The following LPCAT1 variants were observed in gnomAD, a reference collection of about 807,000 sequenced individuals.
LPCAT1 encodes the protein 1-acylglycerol-3-phosphate O-acyltransferase.
In LPCAT1, 23 loss-of-function variants were observed where a neutral mutation model predicts 60.9. That is an observed-to-expected ratio of 0.38 (90% confidence interval 0.27 to 0.53). The LOEUF (loss-of-function observed/expected upper bound fraction) is 0.53. Among genes scored for constraint, LPCAT1 ranks in the 20% least tolerant of loss-of-function variants. LPCAT1 has a pLI of 0.82. For synonymous variants in LPCAT1, 340 were observed against 301.1 expected (o/e 1.13, Z -1.34); for missense variants, 622 against 723.6 (o/e 0.86, Z 1.61).
At chr5:1,507,067 G>A (rs1307878366) in intron 1 of LPCAT1, among the ~76,000 whole-genome samples, 1 of 152,228 alleles carries the variant, frequency 6.6e-6, no homozygotes, top group Non-Finnish European at 1.5e-5. Context: ...GGGAGCGGGA[G>A]CAGCCTCCAG....
chr5:1,465,337 TAACTA>T (rs1198013353), intron 13 of LPCAT1, among the ~76,000 whole-genome samples: 3 of 51,954 alleles, frequency 5.8e-5, no homozygotes, highest in East Asian at 7.9e-4. Flanking sequence ...AGGCACACAG[TAACTA>T]AACACACATG....
intron 2 of LPCAT1, 81 bp downstream of exon 2, chr5:1,501,380 A>G: frequency 6.6e-7 from 1 of 1,505,056 alleles, no homozygotes; most frequent in Admixed American, 2.0e-5. Flanking sequence ...GAGACACACA[A>G]CCCCACTGTG....
intron 1 of LPCAT1, among the ~76,000 whole-genome samples, chr5:1,520,795 A>G (rs4383753): frequency 0.78 from 114,956 of 147,802 alleles, 45,337 homozygotes; most frequent in African/African-American, 0.91. Flanking sequence ...CCCGGGAAGC[A>G]GAGCTTGTAG....
chr5:1,523,764 CG>C lies in LPCAT1; in HGVS notation c.80del (p.Pro27ArgfsTer23), dbSNP rs1736748790. 3.4e-5 allele frequency: 39 copies of C among 1,157,894 alleles called. No homozygotes were observed. Among genetic ancestry groups the C allele is most frequent in the South Asian group, 1.3e-4 (5 of 38,904 alleles). 71.7% of individuals were successfully genotyped at this position (1,157,894 alleles called of 1,614,324 possible). ...GASDARLLAP[P>X]GRNPFVHELR... is the part of the protein sequence containing the mutation. ...GCTCGTGCACGAAGGGGTTCCGCCC[CG>C]GGGGCGCCAGCAGCCGAGCGTCGCT... On this transcript the variant is annotated frameshift_variant, in exon 1 of 14. Transcript: ENST00000283415. LOFTEE classifies it high-confidence loss of function. This position sits in a 1 kb window ranked among gnomAD's most constrained non-coding sequence, Gnocchi z 7.1.
At chr5:1,518,494 T>C (rs895237962) in intron 1 of LPCAT1, among the ~76,000 whole-genome samples, 1 of 152,228 alleles carries the variant, frequency 6.6e-6, no homozygotes, top group Non-Finnish European at 1.5e-5. Flanking sequence ...GCACCTGCCA[T>C]GACACCCGTC....
intron 1 of LPCAT1, among the ~76,000 whole-genome samples, chr5:1,504,310 G>GCGCAGCGGAGGAGAC (rs1183923483): frequency 6.4e-4 from 98 of 152,360 alleles, no homozygotes; most frequent in African/African-American, 2.2e-3. Flanking sequence ...GTGGAGGAGA[G>GCGCAGCGGAGGAGAC]CGCAGCGGAG....
In LPCAT1 at chr5:1,495,027, G is replaced by A; in HGVS notation, c.279-113C>T. ...CTCCAGGGCGCAGTCCAGGCCACGG[G>A]CTTCCTGTGGTCGCCGCCGCTGGGA... On this transcript the variant is annotated intron_variant, in intron 2 of 13. Transcript: ENST00000283415. This position sits in a 1 kb window ranked among gnomAD's most constrained non-coding sequence, Gnocchi z 4.7. 2.1e-6 allele frequency: 2 copies of A among 963,262 alleles called. No individual in the cohort carries two copies. The highest frequency in any genetic ancestry group is 3.0e-6 in the Non-Finnish European group (2 of 659,744). 59.7% of individuals were successfully genotyped at this position (963,262 alleles called of 1,614,324 possible). A position where few individuals can be genotyped will look rare whatever the true frequency, so the allele number is the denominator to read the frequency against.
intron 3 of LPCAT1, among the ~76,000 whole-genome samples, chr5:1,492,207 G>GATT (rs1321899060): frequency 6.6e-6 from 1 of 150,654 alleles, no homozygotes; most frequent in Admixed American, 6.6e-5. Flanking sequence ...GATGGGGGAA[G>GATT]ATTATCTCTG....
At chr5:1,504,738 C>T (rs1180729899) in intron 1 of LPCAT1, among the ~76,000 whole-genome samples, 1 of 146,498 alleles carries the variant, frequency 6.8e-6, no homozygotes, top group Admixed American at 6.8e-5. Context: ...AAAAAGCCGA[C>T]AATAAGTTAC....
In LPCAT1 at chr5:1,480,291, G is replaced by A. The variant is rs1735084470; in HGVS notation, c.762-616C>T. 3 of 980,920 alleles carry A rather than the reference G, an allele frequency of 3.1e-6. No individual in the cohort carries two copies. Among genetic ancestry groups the A allele is most frequent in the Non-Finnish European group, 2.4e-6 (2 of 827,020 alleles). The allele number at this position is 980,920 out of a possible 1,614,324, so 60.8% of individuals were successfully genotyped here. A position where few individuals can be genotyped will look rare whatever the true frequency, so the allele number is the denominator to read the frequency against. On this transcript the variant is annotated intron_variant, in intron 7 of 13. Coordinates refer to ENST00000283415, the MANE Select transcript of LPCAT1 (RefSeq NM_024830.5). The surrounding 1 kb of genome is among the most constrained non-coding windows in gnomAD (Gnocchi z 6.4). ...GCCTCCACACGCCAGCCTGGGAAGC[G>A]CTGACCTCAACACCTTCACCTGAAA... is the stretch of plus-strand genomic sequence containing the variant.
chr5:1,509,654 C>T (rs532825743), intron 1 of LPCAT1, among the ~76,000 whole-genome samples: 6 of 152,204 alleles, frequency 3.9e-5, no homozygotes, highest in Non-Finnish European at 5.9e-5. Context: ...CAGCAGGAAA[C>T]GCCCTCCTTT....
At chr5:1,465,773 C>T (rs1413301998) in intron 13 of LPCAT1, among the ~76,000 whole-genome samples, 1 of 70,928 alleles carries the variant, frequency 1.4e-5, no homozygotes, top group Non-Finnish European at 3.1e-5. Flanking sequence ...TGTGCACACA[C>T]GGTAAACATG....
chr5:1,478,484 C>T (rs959182372), intron 8 of LPCAT1, among the ~76,000 whole-genome samples: 2 of 152,392 alleles, frequency 1.3e-5, no homozygotes, highest in South Asian at 4.1e-4. Context: ...AGCCATTCAA[C>T]ACCAGGGAGC....
chr5:1,463,064 G>T lies in LPCAT1; in HGVS notation c.*587C>A, dbSNP rs764839609. 2.0e-5 allele frequency: 3 copies of T among 151,690 alleles called. No individual in the cohort carries two copies. Among genetic ancestry groups the T allele is most frequent in the Non-Finnish European group, 4.4e-5 (3 of 67,936 alleles). The allele number at this position is 151,690 out of a possible 1,614,324, so 9.4% of individuals were successfully genotyped here. A position where few individuals can be genotyped will look rare whatever the true frequency, so the allele number is the denominator to read the frequency against. ...CTTTGACTCTAAAAGGAAAAATGAA[G>T]TAGAAAAACAATTTTCATTTTTTAA... is the stretch of plus-strand genomic sequence containing the variant. On this transcript the variant is annotated 3_prime_UTR_variant, in exon 14 of 14. Transcript: ENST00000283415.
intron 3 of LPCAT1, among the ~76,000 whole-genome samples, chr5:1,492,607 G>C (rs1429923497): frequency 1.3e-5 from 2 of 152,218 alleles, no homozygotes; most frequent in Admixed American, 6.5e-5. Context: ...AAACACGCAG[G>C]GCTCCACGAG....
At position 1,523,891 on chromosome 5, in the gene LPCAT1, G is replaced by T; in HGVS notation, c.-47C>A. ...GCGCAGCCGAGCTGCCTGGGGCGCCGAGCGGGGCCGGGGCTAGCTGGGCGC... is the reference window on the plus strand; with the variant it reads ...GCGCAGCCGAGCTGCCTGGGGCGCCTAGCGGGGCCGGGGCTAGCTGGGCGC... On this transcript the variant is annotated 5_prime_UTR_variant, in exon 1 of 14. Coordinates refer to ENST00000283415, the MANE Select transcript of LPCAT1 (RefSeq NM_024830.5). The surrounding 1 kb of genome is among the most constrained non-coding windows in gnomAD (Gnocchi z 7.1). 1 of 1,021,824 alleles carries T rather than the reference G, an allele frequency of 9.8e-7. No homozygotes were observed. The highest frequency in any genetic ancestry group is 4.5e-5 in the South Asian group (1 of 22,428). 63.3% of individuals were successfully genotyped at this position (1,021,824 alleles called of 1,614,324 possible).
rs549781680 is a variant in LPCAT1, at chr5:1,477,239, G to A, written c.899+165C>T. ...ATGCCATCAGAGGGAAACAAGGGGCGCACAGCACAAGGCCAAGCACGCTTC... is the reference window on the plus strand; with the variant it reads ...ATGCCATCAGAGGGAAACAAGGGGCACACAGCACAAGGCCAAGCACGCTTC... On this transcript the variant is annotated intron_variant, in intron 9 of 13. Transcript: ENST00000283415. The surrounding 1 kb of genome is among the most constrained non-coding windows in gnomAD (Gnocchi z 6.0). 1.2e-4 allele frequency among the ~76,000 whole-genome samples: 19 copies of A among 152,304 alleles called. No individual in the cohort carries two copies. The highest frequency in any genetic ancestry group is 4.1e-4 in the African/African-American group (17 of 41,582).
chr5:1,515,606 G>A (rs1000648780), intron 1 of LPCAT1, among the ~76,000 whole-genome samples: 1 of 148,114 alleles, frequency 6.8e-6, no homozygotes, highest in African/African-American at 2.5e-5. Context: ...ACTATCTACA[G>A]ATACTGGGAC....
At chr5:1,469,066 C>T (rs190592575) in intron 12 of LPCAT1, among the ~76,000 whole-genome samples, 3 of 152,344 alleles carry the variant, frequency 2.0e-5, no homozygotes, top group Admixed American at 2.0e-4. Flanking sequence ...GAAGGCAGGG[C>T]ATATGCCGTC....
Sources: allele counts gnomAD v4.1 joint callset (sites outside exome capture counted in the v4.1 genomes callset), GRCh38; gene constraint gnomAD v4.1.1; non-coding constraint Gnocchi (gnomAD v3.1); transcripts MANE v1.5; gene names NCBI Gene and HGNC (gene_info 2026-07-23, HGNC 2026-07-21).